The following CUBN variants were observed in gnomAD, a reference collection of about 807,000 sequenced individuals.
CUBN encodes cubilin.
Under a neutral mutation model 405.3 loss-of-function variants are expected in CUBN, and 282 were observed. That is an observed-to-expected ratio of 0.70 (90% CI 0.63 to 0.77). The LOEUF (loss-of-function observed/expected upper bound fraction) is 0.77. Among genes scored for constraint, CUBN ranks in the 30% least tolerant of loss-of-function variants. The pLI is 0.00. For missense variants in CUBN, 4,514 were observed against 4,475.2 expected, an observed-to-expected ratio of 1.01 and a Z score of -0.25; for synonymous variants, 1,684 against 1,617.0, an observed-to-expected ratio of 1.04 and a Z score of -0.99.
chr10:17,057,347 G>A (rs1444937791), intron 22 of CUBN, among the ~76,000 whole-genome samples: 3 of 152,206 alleles, frequency 2.0e-5, no homozygotes, highest in Non-Finnish European at 4.4e-5. Context: ...GGTAACTTCT[G>A]GGTGTTGTCA....
intron 59 of CUBN, among the ~76,000 whole-genome samples, chr10:16,868,772 C>T (rs567830171): frequency 1.3e-5 from 2 of 152,216 alleles, no homozygotes; most frequent in East Asian, 1.9e-4. Context: ...TACCTACCCC[C>T]GCTACATCAC....
intron 27 of CUBN, among the ~76,000 whole-genome samples, chr10:17,034,392 CCT>C (rs1453278978): frequency 6.6e-6 from 1 of 152,126 alleles, no homozygotes; most frequent in East Asian, 1.9e-4. Flanking sequence ...AAGAGTAAGT[CCT>C]CACTGGAAAG....
At chr10:16,944,220 C>T (rs1255623965) in intron 36 of CUBN, among the ~76,000 whole-genome samples, 2 of 152,170 alleles carry the variant, frequency 1.3e-5, no homozygotes, top group African/African-American at 2.4e-5. Context: ...ATTTTAGAGA[C>T]AACTGCATGT....
intron 14 of CUBN, among the ~76,000 whole-genome samples, chr10:17,088,656 C>A (rs1268753166): frequency 6.6e-6 from 1 of 152,152 alleles, no homozygotes. Flanking sequence ...TCATCTTTTT[C>A]ACTTTGATGA....
At chr10:16,870,198 A>G (rs1249470366) in intron 58 of CUBN, among the ~76,000 whole-genome samples, 1 of 152,202 alleles carries the variant, frequency 6.6e-6, no homozygotes, top group Non-Finnish European at 1.5e-5. Context: ...CTATCCCAGC[A>G]ATACTTTAGT....
chr10:16,850,317 T>C (rs1288085409), intron 60 of CUBN, among the ~76,000 whole-genome samples: 1 of 152,216 alleles, frequency 6.6e-6, no homozygotes, highest in Admixed American at 6.5e-5. Context: ...AATCTTGCCA[T>C]ACTTTTTATT....
chr10:16,873,652 G>A (rs1840420491), intron 58 of CUBN, among the ~76,000 whole-genome samples: 1 of 150,828 alleles, frequency 6.6e-6, no homozygotes, highest in African/African-American at 2.4e-5. Context: ...AACCTGGGAG[G>A]CAGAGGTTGC....
At position 16,841,019 on chromosome 10, in the gene CUBN, T is replaced by G; in HGVS notation, c.9692A>C (p.Asn3231Thr). The G allele has an allele frequency of 6.2e-7, 1 of 1,614,132 alleles. No individual in the cohort carries two copies. The highest frequency in any genetic ancestry group is 8.5e-7 in the Non-Finnish European group (1 of 1,180,018). ...KLYDGDSENANLAGTFCGSTV... is the reference protein window; with the variant it reads ...KLYDGDSENATLAGTFCGSTV... ...GGAACCACAAAACGTTCCAGCCAAG[T>G]TCGCATTTTCACTATCCCCATCATA... Residue 3231 changes from asparagine (N) to threonine (T), a missense_variant, in exon 61 of 67, where the codon AAC becomes ACC. Around this residue, in one of 5 missense-constraint regions of CUBN, gnomAD observed 1,186 missense variants for 1,186.9 expected, o/e 1.00. Transcript: ENST00000377833.
intron 22 of CUBN, among the ~76,000 whole-genome samples, chr10:17,051,149 C>T (rs937472582): frequency 7.9e-5 from 12 of 152,088 alleles, no homozygotes; most frequent in African/African-American, 2.9e-4. Flanking sequence ...ATCATGAGGT[C>T]AAGAGATCAA....
At chr10:16,881,090 T>TA (rs1159437121) in intron 56 of CUBN, among the ~76,000 whole-genome samples, 2 of 152,164 alleles carry the variant, frequency 1.3e-5, no homozygotes, top group East Asian at 1.9e-4. Context: ...AGTTTGAGAA[T>TA]AAAAAAATTG....
Position 17,087,568 on chromosome 10 carries a change from C to T in CUBN, c.1947+596G>A, listed in dbSNP as rs149489772. 5.8e-3 allele frequency among the ~76,000 whole-genome samples: 867 copies of T among 150,386 alleles called. 13 individuals are homozygous for T. The highest frequency in any genetic ancestry group is 0.02 in the African/African-American group (826 of 40,926). ...TCAGCTCACTGCAACCTCCGCCTCC[C>T]GGGTCCAAACGATTCTCCTGCCTCA... On this transcript the variant is annotated intron_variant, in intron 15 of 66. Coordinates refer to ENST00000377833, the MANE Select transcript of CUBN (RefSeq NM_001081.4).
chr10:16,937,524 A>T, intron 39 of CUBN, 68 bp downstream of exon 39: 1 of 1,340,070 alleles, frequency 7.5e-7, no homozygotes, highest in South Asian at 1.2e-5. Context: ...CTGTTATGAT[A>T]GGATCCTTTG....
At chr10:16,989,705 C>T (rs1488115183) in intron 29 of CUBN, among the ~76,000 whole-genome samples, 1 of 152,064 alleles carries the variant, frequency 6.6e-6, no homozygotes, top group African/African-American at 2.4e-5. Context: ...ACACACCCTT[C>T]GCAGAAGTGC....
At chr10:16,933,002 G>C (rs955002659) in intron 40 of CUBN, 85 bp downstream of exon 40, 2 of 1,381,852 alleles carry the variant, frequency 1.4e-6, no homozygotes, top group Admixed American at 3.4e-5. Flanking sequence ...CAAACGGATG[G>C]AGGCAGTATG....
intron 44 of CUBN, 128 bp downstream of exon 44, chr10:16,919,835 A>T: frequency 1.9e-6 from 2 of 1,035,166 alleles, no homozygotes; most frequent in Non-Finnish European, 2.9e-6. Flanking sequence ...CTGAGCCATT[A>T]AGCATTTCCC....
chr10:16,833,259 C>A (rs1201730184), intron 64 of CUBN, among the ~76,000 whole-genome samples: 1 of 152,024 alleles, frequency 6.6e-6, no homozygotes, highest in Non-Finnish European at 1.5e-5. Flanking sequence ...ATTTGGATCT[C>A]CATGGTGGGG....
chr10:17,052,555 G>A (rs1028610805), intron 22 of CUBN, among the ~76,000 whole-genome samples: 1 of 151,536 alleles, frequency 6.6e-6, no homozygotes, highest in South Asian at 2.1e-4. Flanking sequence ...TCAGGAGTCC[G>A]AGACCAGCCT....
chr10:17,011,840 G>A (rs544518508), intron 28 of CUBN, among the ~76,000 whole-genome samples: 105 of 138,202 alleles, frequency 7.6e-4, no homozygotes, highest in Non-Finnish European at 1.3e-3. Context: ...TAGACACAGA[G>A]CGCTGATTGG....
intron 32 of CUBN, 135 bp from the exon 33 acceptor site, chr10:16,952,524 A>C: frequency 1.5e-6 from 1 of 674,468 alleles, no homozygotes; most frequent in East Asian, 2.9e-5. Flanking sequence ...AAAGTTCTCC[A>C]TAAGGAGAGC....
Sources: allele counts gnomAD v4.1 joint callset (sites outside exome capture counted in the v4.1 genomes callset), GRCh38; gene constraint gnomAD v4.1.1; regional missense constraint gnomAD v4.1.1; transcripts MANE v1.5; gene names NCBI Gene and HGNC (gene_info 2026-07-23, HGNC 2026-07-21).